The following NRG3 variants were observed in gnomAD, a reference collection of about 807,000 sequenced individuals.
NRG3 encodes pro-neuregulin-3, membrane-bound isoform.
In NRG3, 31 loss-of-function variants were observed where a neutral mutation model predicts 66.9. The ratio of observed to expected loss-of-function variants is 0.46; its 90% CI spans 0.35 to 0.63. NRG3 has a LOEUF of 0.63. Among genes scored for constraint, NRG3 ranks in the 20% least tolerant of loss-of-function variants. NRG3 has a pLI of 0.00. For missense variants in NRG3, 910 were observed against 878.9 expected (o/e 1.04, Z -0.45); for synonymous variants, 393 against 359.4 (o/e 1.09, Z -1.06).
intron 2 of NRG3, among the ~76,000 whole-genome samples, chr10:82,626,856 A>G (rs1463011562): frequency 6.6e-6 from 1 of 152,084 alleles, no homozygotes; most frequent in African/African-American, 2.4e-5. Flanking sequence ...TTCCTCTATC[A>G]GACTCACAGT....
chr10:82,984,255 C>G (rs756898924), intron 8 of NRG3, among the ~76,000 whole-genome samples: 2 of 152,212 alleles, frequency 1.3e-5, no homozygotes, highest in Admixed American at 6.5e-5. Context: ...TTTACTAGCC[C>G]TGCACAGGCA....
At chr10:82,060,715 TG>T (rs2064096811) in intron 1 of NRG3, among the ~76,000 whole-genome samples, 1 of 152,232 alleles carries the variant, frequency 6.6e-6, no homozygotes, top group African/African-American at 2.4e-5. Context: ...CCTTGTTCTT[TG>T]TTAGTGGAAT....
chr10:82,114,831 C>T (rs1483264338), intron 1 of NRG3, among the ~76,000 whole-genome samples: 2 of 152,104 alleles, frequency 1.3e-5, no homozygotes, highest in South Asian at 4.1e-4. Context: ...GTAAGCTCCT[C>T]AAGGGCCAAG....
intron 1 of NRG3, among the ~76,000 whole-genome samples, chr10:81,965,402 T>A (rs1008813171): frequency 1.3e-5 from 2 of 152,166 alleles, no homozygotes; most frequent in Admixed American, 6.5e-5. Context: ...TTTTGTAGAT[T>A]TAATAGAGTT....
At chr10:82,611,912 A>G (rs1028915643) in intron 2 of NRG3, among the ~76,000 whole-genome samples, 29 of 152,152 alleles carry the variant, frequency 1.9e-4, no homozygotes, top group Non-Finnish European at 3.7e-4. Context: ...ATATTTCTCC[A>G]CATCCTCTCC....
intron 2 of NRG3, among the ~76,000 whole-genome samples, chr10:82,511,118 CAGG>C (rs1282100107): frequency 6.6e-6 from 1 of 152,128 alleles, no homozygotes; most frequent in African/African-American, 2.4e-5. Flanking sequence ...CTCTTATGAA[CAGG>C]AGAAGACTGG....
chr10:82,537,449 TTTTG>T (rs2043238934), intron 2 of NRG3, among the ~76,000 whole-genome samples: 1 of 152,132 alleles, frequency 6.6e-6, no homozygotes, highest in East Asian at 1.9e-4. Flanking sequence ...TTGGGACCCC[TTTTG>T]TTTATTACAT....
intron 1 of NRG3, among the ~76,000 whole-genome samples, chr10:82,023,893 T>G (rs1028171460): frequency 2.6e-5 from 4 of 152,068 alleles, no homozygotes; most frequent in Admixed American, 2.0e-4. Flanking sequence ...TCCCCTTCTC[T>G]TCAACTTTTT....
At chr10:82,390,515 A>G (rs1208813646) in intron 2 of NRG3, among the ~76,000 whole-genome samples, 2 of 152,134 alleles carry the variant, frequency 1.3e-5, no homozygotes, top group East Asian at 3.9e-4. Flanking sequence ...CTACTTATGC[A>G]TCTGATTTGC....
intron 2 of NRG3, among the ~76,000 whole-genome samples, chr10:82,668,898 T>C (rs1449124421): frequency 6.6e-6 from 1 of 152,158 alleles, no homozygotes; most frequent in Non-Finnish European, 1.5e-5. Context: ...TTTAGCCTCA[T>C]GATATTGGTG....
intron 2 of NRG3, among the ~76,000 whole-genome samples, chr10:82,384,739 T>C (rs2085867285): frequency 6.6e-6 from 1 of 152,200 alleles, no homozygotes; most frequent in African/African-American, 2.4e-5. Context: ...GCCATGAAAA[T>C]ACACATGCTT....
chr10:82,751,177 G>T (rs1348129008), intron 3 of NRG3, among the ~76,000 whole-genome samples: 1 of 152,092 alleles, frequency 6.6e-6, no homozygotes. Context: ...GCTGTCAGTG[G>T]TCAATTATAC....
chr10:82,593,885 T>C (rs2047124258), intron 2 of NRG3, among the ~76,000 whole-genome samples: 2 of 152,114 alleles, frequency 1.3e-5, no homozygotes, highest in East Asian at 3.9e-4. Context: ...GTACTGATGA[T>C]TCTATTATAA....
At chr10:82,500,177 C>T (rs1359852586) in intron 2 of NRG3, among the ~76,000 whole-genome samples, 1 of 152,098 alleles carries the variant, frequency 6.6e-6, no homozygotes, top group Non-Finnish European at 1.5e-5. Flanking sequence ...CTACATAAGT[C>T]CTGAAGTCTC....
chr10:82,979,118 A>C lies in NRG3; in HGVS notation c.1581A>C (p.Gln527His). Reference sequence around the variant, plus strand: ...CAGACCAGGATACGATACCTTGCCAAGGGTAGGTCTTAAAACAGCAGTGGA... The same window carrying C: ...CAGACCAGGATACGATACCTTGCCACGGGTAGGTCTTAAAACAGCAGTGGA... ...RIPDQDTIPC[Q>H]GYSSSGLKTQ... Residue 527 changes from glutamine to histidine, a missense_variant and splice_region_variant, in exon 8 of 9, where the codon CAA becomes CAC. Physicochemically the swap from Gln to His is conservative, Grantham distance 24. Coordinates refer to ENST00000372141, the MANE Select transcript of NRG3 (RefSeq NM_001010848.4). 6.2e-7 allele frequency: 1 copy of C among 1,613,954 alleles called. No individual in the cohort carries two copies. Among genetic ancestry groups the C allele is most frequent in the South Asian group, 1.1e-5 (1 of 91,060 alleles).
intron 1 of NRG3, among the ~76,000 whole-genome samples, chr10:82,231,016 T>C (rs2076429431): frequency 6.6e-6 from 1 of 152,176 alleles, no homozygotes; most frequent in Non-Finnish European, 1.5e-5. Context: ...TTACAGTGAA[T>C]GGTCAGTAGA....
chr10:82,875,019 A>G (rs1040549466), intron 4 of NRG3, among the ~76,000 whole-genome samples: 2 of 152,218 alleles, frequency 1.3e-5, no homozygotes, highest in Non-Finnish European at 2.9e-5. Flanking sequence ...TTATAGCTAT[A>G]TATTCAGAAT....
intron 2 of NRG3, among the ~76,000 whole-genome samples, chr10:82,669,602 C>T (rs1186513404): frequency 6.6e-6 from 1 of 152,086 alleles, no homozygotes; most frequent in East Asian, 1.9e-4. Context: ...CTTTCTGGGA[C>T]ACATTCATCA....
At chr10:82,258,737 G>A (rs2077866502) in intron 1 of NRG3, among the ~76,000 whole-genome samples, 2 of 152,150 alleles carry the variant, frequency 1.3e-5, no homozygotes, top group Non-Finnish European at 2.9e-5. Context: ...ACCAAGAGAG[G>A]AGTTGTCTGT....
Sources: allele counts gnomAD v4.1 joint callset (sites outside exome capture counted in the v4.1 genomes callset), GRCh38; gene constraint gnomAD v4.1.1; transcripts MANE v1.5; gene names NCBI Gene and HGNC (gene_info 2026-07-23, HGNC 2026-07-21).